Variants in NOTCH1 observed in about 807,000 individuals in gnomAD.
NOTCH1 encodes the protein neurogenic locus notch homolog protein 1.
Under a neutral mutation model 254.8 loss-of-function variants are expected in NOTCH1, and 37 were observed. The observed-to-expected ratio is 0.15, with a 90% CI of 0.11 to 0.19. The LOEUF (loss-of-function observed/expected upper bound fraction) is 0.19, where lower values mean the gene tolerates loss of function less well. NOTCH1 is among the 10% of genes least tolerant of loss of function. NOTCH1 has a pLI of 1.00. For missense variants in NOTCH1, 2,972 were observed against 3,708.6 expected, an observed-to-expected ratio of 0.80 and a Z score of 5.16; for synonymous variants, 1,731 against 1,618.1, an observed-to-expected ratio of 1.07 and a Z score of -1.68.
intron 4 of NOTCH1, 84 bp downstream of exon 4, chr9:136,522,766 C>G: frequency 1.5e-6 from 2 of 1,312,034 alleles, no homozygotes; most frequent in East Asian, 5.1e-5. Flanking sequence ...CCAGGGCTGC[C>G]CCTACACCAG....
chr9:136,509,710 G>T (rs778681556), intron 18 of NOTCH1, 23 bp downstream of exon 18: 32 of 1,605,386 alleles, frequency 2.0e-5, no homozygotes, highest in Non-Finnish European at 2.6e-5. Context: ...TCCCTTCCAC[G>T]GCCTCACTCG....
At chr9:136,537,394 G>A (rs1843672146) in intron 2 of NOTCH1, among the ~76,000 whole-genome samples, 1 of 152,196 alleles carries the variant, frequency 6.6e-6, no homozygotes, top group African/African-American at 2.4e-5. Context: ...CCATTCATAG[G>A]CAACGTCCAG....
At chr9:136,537,053 G>A (rs540874707) in intron 2 of NOTCH1, among the ~76,000 whole-genome samples, 27 of 152,342 alleles carry the variant, frequency 1.8e-4, no homozygotes, top group African/African-American at 4.3e-4. Flanking sequence ...CAGGGGCCGC[G>A]GGCACGCCAG....
rs942055234 is a variant in NOTCH1, at chr9:136,496,424, T to G, written c.7315A>C (p.Ser2439Arg). 6.3e-7 allele frequency: 1 copy of G among 1,599,548 alleles called. No homozygotes were observed. Among genetic ancestry groups the G allele is most frequent in the African/African-American group, 1.3e-5 (1 of 74,918 alleles). ...LGRSFLSGEP[S>R]QADVQPLGPS... is the part of the protein sequence containing the mutation. ...CCCAGTGGCTGCACGTCTGCCTGGCTCGGCTCTCCACTCAGGAAGCTCCGG... is the reference window on the plus strand; with the variant it reads ...CCCAGTGGCTGCACGTCTGCCTGGCGCGGCTCTCCACTCAGGAAGCTCCGG... Residue 2439 changes from serine to arginine, a missense_variant, in exon 34 of 34, where the codon AGC becomes CGC. Physicochemically the swap from Ser to Arg is moderately radical, Grantham distance 110 (BLOSUM62 -1). Transcript: ENST00000651671.
rs1401462594 is a variant in NOTCH1, at chr9:136,500,843, G to A, written c.5643C>T (p.Gly1881=). The A allele has an allele frequency of 3.1e-6, 5 of 1,592,526 alleles. No homozygotes were observed. Among genetic ancestry groups the A allele is most frequent in the Admixed American group, 1.7e-5 (1 of 59,040 alleles). ...AGGAGGCGATCATGAGCGGGGTGAA[G>A]CCATCTGCAGAGGCAGAGACGGGTG... The part of the protein sequence containing the change: ...CMDVNVRGPD[G]FTPLMIASCS... Residue 1881 remains glycine, a synonymous_variant, in exon 31 of 34, where the codon GGC becomes GGT. Transcript: ENST00000651671.
chr9:136,494,456 T>A lies in NOTCH1; in HGVS notation c.*1615A>T, dbSNP rs572076956. 2.3e-5 allele frequency: 9 copies of A among 399,010 alleles called. No homozygotes were observed. In the East Asian group the frequency reaches 3.2e-4, roughly 14 times the overall value. 24.7% of individuals were successfully genotyped at this position (399,010 alleles called of 1,614,324 possible). A position where few individuals can be genotyped will look rare whatever the true frequency, so the allele number is the denominator to read the frequency against. On this transcript the variant is annotated 3_prime_UTR_variant, in exon 34 of 34. Coordinates refer to ENST00000651671, the MANE Select transcript of NOTCH1 (RefSeq NM_017617.5). The stretch of plus-strand genomic sequence containing the variant: ...AGTGGAAGCCAGATCACCATCAGTA[T>A]CATTTTTATTGCAAATCAGTTAACA...
Position 136,505,323 on chromosome 9 carries a change from C to A in NOTCH1, c.4573G>T (p.Glu1525Ter), listed in dbSNP as rs2133338503. The change falls in exon 25 of 34, where the codon GAA becomes TAA. Residue 1525 changes from glutamate to a stop codon, truncating the protein, a stop_gained. Transcript: ENST00000651671. LOFTEE classifies it high-confidence loss of function. ...LFDGFDCQRA[E>*]GQCNPLYDQY... ...CCGCAGCCTTACTTGCACTGGCCTT[C>A]CGCACGCTGGCAGTCAAAGCCGTCG... 1 of 1,579,738 alleles carries A rather than the reference C, an allele frequency of 6.3e-7. No homozygotes were observed. The highest frequency in any genetic ancestry group is 1.1e-5 in the South Asian group (1 of 87,486).
intron 2 of NOTCH1, 189 bp downstream of exon 2, chr9:136,543,835 A>G: frequency 1.5e-6 from 1 of 683,032 alleles, no homozygotes; most frequent in South Asian, 1.7e-5. Context: ...GACCAGCTCC[A>G]CACGCAGCAT....
Position 136,496,969 on chromosome 9 carries a change from G to C in NOTCH1, c.6770C>G (p.Ala2257Gly), listed in dbSNP as rs377112509. ...LNVAAKPEMA[A>G]LGGGGRLAFE... ...GGCCAGCCGGCCGCCCCCACCCAGC[G>C]CCGCCATCTCGGGCTTGGCCGCCAC... Residue 2257 changes from alanine to glycine, a missense_variant, in exon 34 of 34, where the codon GCG (alanine) becomes GGG (glycine). Ala to Gly is a moderately conservative substitution (Grantham distance 60, BLOSUM62 0). This residue lies in a region of NOTCH1 where 529 missense variants were observed against 529.2 expected (regional missense o/e 1.00). Coordinates refer to ENST00000651671, the MANE Select transcript of NOTCH1 (RefSeq NM_017617.5). 1 of 1,610,694 alleles carries C rather than the reference G, an allele frequency of 6.2e-7. No individual in the cohort carries two copies. Among genetic ancestry groups the C allele is most frequent in the South Asian group, 1.1e-5 (1 of 90,964 alleles).
chr9:136,504,564 G>T (rs1466464988), intron 26 of NOTCH1, 109 bp downstream of exon 26: 14 of 1,181,748 alleles, frequency 1.2e-5, no homozygotes, highest in Non-Finnish European at 1.5e-5. Flanking sequence ...TTACCATAAA[G>T]TGGGGAGAGT....
rs2133318598 is a variant in NOTCH1 at position 136,497,301 on chromosome 9, C to T, written c.6438G>A (p.Leu2146=). The change falls in exon 34 of 34, where the codon CTG becomes CTA. Residue 2146 remains leucine (L), a synonymous_variant. Coordinates refer to ENST00000651671, the MANE Select transcript of NOTCH1 (RefSeq NM_017617.5). ...CCTGCACGCCGGGCTTGAGGCTGCC[C>T]AGGTAGCCGTTGGGCGAGCAGAGCG... The part of the protein sequence containing the change: ...SPPLCSPNGY[L]GSLKPGVQGK... 6.2e-7 allele frequency: 1 copy of T among 1,608,110 alleles called. No individual in the cohort carries two copies. The highest frequency in any genetic ancestry group is 1.7e-5 in the Admixed American group (1 of 60,000).
At chr9:136,522,005 T>C (rs558077204) in intron 4 of NOTCH1, among the ~76,000 whole-genome samples, 1 of 145,846 alleles carries the variant, frequency 6.9e-6, no homozygotes, top group South Asian at 2.2e-4. Flanking sequence ...TGAGACGGAG[T>C]CTCGCTCTGT....
chr9:136,502,158 G>C, intron 28 of NOTCH1, 70 bp from the exon 29 acceptor site: 1 of 1,599,606 alleles, frequency 6.3e-7, no homozygotes, highest in Non-Finnish European at 8.5e-7. Flanking sequence ...CCCCTGGCCC[G>C]GGCCTGGCGT....
At chr9:136,518,400 T>G in intron 6 of NOTCH1, 108 bp from the exon 7 acceptor site, 1 of 1,441,120 alleles carries the variant, frequency 6.9e-7, no homozygotes, top group Non-Finnish European at 9.4e-7. Context: ...CTGCCCGCCG[T>G]GACCCCGTCG....
chr9:136,543,681 C>A, intron 2 of NOTCH1: 1 of 447,926 alleles, frequency 2.2e-6, no homozygotes, highest in Non-Finnish European at 4.2e-6. Flanking sequence ...GGGGCTGGGC[C>A]TCTCAGTAAA....
intron 8 of NOTCH1, 128 bp downstream of exon 8, chr9:136,517,624 G>T (rs1412201188): frequency 5.8e-6 from 7 of 1,206,614 alleles, no homozygotes; most frequent in Non-Finnish European, 8.3e-6. Flanking sequence ...CATGCCCTGT[G>T]CAGGCTGTGG....
chr9:136,531,823 C>T (rs547753703), intron 2 of NOTCH1, among the ~76,000 whole-genome samples: 7 of 152,366 alleles, frequency 4.6e-5, no homozygotes, highest in Admixed American at 4.6e-4. Flanking sequence ...CCGATTCGGC[C>T]GCAGATGGAC....
chr9:136,507,510 T>C, intron 21 of NOTCH1, 73 bp from the exon 22 acceptor site: 1 of 1,548,778 alleles, frequency 6.5e-7, no homozygotes, highest in Non-Finnish European at 8.7e-7. Context: ...CACCCCACTG[T>C]GAGGGCTGAC....
In NOTCH1 at chr9:136,496,401, C is replaced by T. The variant is rs35320927; in HGVS notation, c.7338G>A (p.Leu2446=). 848 of 1,599,042 alleles carry T rather than the reference C, an allele frequency of 5.3e-4. 8 individuals carry two copies. In the African/African-American group the frequency reaches 9.7e-3, roughly 18 times the overall value. Reference sequence around the variant, plus strand: ...TGTGCACCGCCAGGCTGCTGGGGCCCAGTGGCTGCACGTCTGCCTGGCTCG... The same window carrying T: ...TGTGCACCGCCAGGCTGCTGGGGCCTAGTGGCTGCACGTCTGCCTGGCTCG... ...GEPSQADVQP[L]GPSSLAVHTI... Residue 2446 remains leucine (L), a synonymous_variant, in exon 34 of 34, where the codon CTG becomes CTA. Coordinates refer to ENST00000651671, the MANE Select transcript of NOTCH1 (RefSeq NM_017617.5).
Sources: gnomAD v4.1 joint callset for allele counts (sites outside exome capture counted in the v4.1 genomes callset) on GRCh38, gnomAD v4.1.1 for gene constraint, gnomAD v4.1.1 regional missense constraint, MANE v1.5 for transcripts, NCBI Gene and HGNC (gene_info 2026-07-23, HGNC 2026-07-21) for gene names.